Variants in SLCO3A1 observed in about 807,000 individuals in gnomAD.
The protein encoded by SLCO3A1 is solute carrier organic anion transporter family member 3A1, also known as PGE1 transporter.
Under a neutral mutation model 63.1 loss-of-function variants are expected in SLCO3A1, and 27 were observed. The observed-to-expected ratio is 0.43, with a 90% CI of 0.32 to 0.59. The LOEUF is 0.59. Among genes scored for constraint, SLCO3A1 ranks in the 20% least tolerant of loss-of-function variants. SLCO3A1 has a pLI of 0.09. For missense variants in SLCO3A1, 773 were observed against 945.8 expected (o/e 0.82, Z 2.40); for synonymous variants, 473 against 409.9 (o/e 1.15, Z -1.86).
At position 91,872,804 on chromosome 15, in the gene SLCO3A1, T is replaced by C. The variant is rs536647538; in HGVS notation, c.180+18716T>C. On this transcript the variant is annotated intron_variant, in intron 1 of 9. Coordinates refer to ENST00000318445, the MANE Select transcript of SLCO3A1 (RefSeq NM_013272.4). The surrounding 1 kb of genome is among the most constrained non-coding windows in gnomAD (Gnocchi z 4.1). ...TAATGAACATTGAACATGACTTTAC[T>C]GGGACCAGAGAATAACTTCACCAGG... 5.3e-5 allele frequency among the ~76,000 whole-genome samples: 8 copies of C among 152,350 alleles called. No homozygotes were observed. The highest frequency in any genetic ancestry group is 1.9e-4 in the African/African-American group (8 of 41,586).
intron 3 of SLCO3A1, among the ~76,000 whole-genome samples, chr15:92,099,652 A>C (rs1403411538): frequency 6.6e-6 from 1 of 152,204 alleles, no homozygotes; most frequent in Non-Finnish European, 1.5e-5. Context: ...CTCCTAGTTC[A>C]GTTAACCTTT....
At position 91,862,248 on chromosome 15, in the gene SLCO3A1, G is replaced by C. The variant is rs1406306910; in HGVS notation, c.180+8160G>C. Among the ~76,000 whole-genome samples, 2 of 151,840 alleles carry C rather than the reference G, an allele frequency of 1.3e-5. No homozygotes were observed. The highest frequency in any genetic ancestry group is 2.9e-5 in the Non-Finnish European group (2 of 67,950). On this transcript the variant is annotated intron_variant, in intron 1 of 9. Coordinates refer to ENST00000318445, the MANE Select transcript of SLCO3A1 (RefSeq NM_013272.4). This position sits in a 1 kb window ranked among gnomAD's most constrained non-coding sequence, Gnocchi z 4.0. ...AGCTCACTGCAACCTCTGCCTCCCGGGTTCAAGCAATTCTCCTGCCTCAGC... is the reference window on the plus strand; with the variant it reads ...AGCTCACTGCAACCTCTGCCTCCCGCGTTCAAGCAATTCTCCTGCCTCAGC...
At chr15:92,096,854 G>T (rs996776666) in intron 3 of SLCO3A1, among the ~76,000 whole-genome samples, 3 of 152,204 alleles carry the variant, frequency 2.0e-5, no homozygotes, top group African/African-American at 7.2e-5. Context: ...TGTTCCGAAG[G>T]TGATTGAGTG....
intron 2 of SLCO3A1, among the ~76,000 whole-genome samples, chr15:91,924,557 G>A (rs1358849699): frequency 6.6e-6 from 1 of 152,208 alleles, no homozygotes; most frequent in Non-Finnish European, 1.5e-5. Flanking sequence ...AAGGAAAGCT[G>A]TCGCACATTG....
chr15:92,143,400 A>AATATATGTAATAT (rs2048164706), intron 7 of SLCO3A1, among the ~76,000 whole-genome samples: 49 of 2,156 alleles, frequency 0.023, 11 homozygotes, highest in African/African-American at 0.2. Flanking sequence ...ATATTATATA[A>AATATATGTAATAT]TATATATAAT....
intron 1 of SLCO3A1, among the ~76,000 whole-genome samples, chr15:91,867,850 C>T (rs1415447562): frequency 6.6e-6 from 1 of 152,136 alleles, no homozygotes; most frequent in African/African-American, 2.4e-5. Context: ...GTGGAGGTTT[C>T]CTTTCAGCTT....
At chr15:91,906,188 A>G (rs1898302909) in intron 1 of SLCO3A1, among the ~76,000 whole-genome samples, 2 of 152,168 alleles carry the variant, frequency 1.3e-5, no homozygotes, top group Non-Finnish European at 2.9e-5. Flanking sequence ...GTAATAACAA[A>G]TGTTCAACAT....
At chr15:92,095,029 C>T (rs2047521283) in intron 3 of SLCO3A1, 50 bp downstream of exon 3, 1 of 1,273,964 alleles carries the variant, frequency 7.8e-7, no homozygotes, top group African/African-American at 1.5e-5. Context: ...CGTTTCCTCC[C>T]TCATAAATGC....
intron 9 of SLCO3A1, among the ~76,000 whole-genome samples, chr15:92,158,466 CA>C (rs750918100): frequency 3.3e-5 from 5 of 152,076 alleles, no homozygotes; most frequent in African/African-American, 4.8e-5. Flanking sequence ...TAAGGTGGGG[CA>C]GGGGGAGTGG....
chr15:92,065,869 C>A (rs1329229279), intron 2 of SLCO3A1, among the ~76,000 whole-genome samples: 1 of 152,178 alleles, frequency 6.6e-6, no homozygotes, highest in Non-Finnish European at 1.5e-5. Flanking sequence ...TGTGCTGGTC[C>A]TGTTGAGCCC....
intron 9 of SLCO3A1, 93 bp downstream of exon 9, chr15:92,151,107 G>C: frequency 8.7e-6 from 8 of 915,822 alleles, no homozygotes; most frequent in Middle Eastern, 2.2e-4. Context: ...TCCTAGGTCT[G>C]TCTCTTTTTT....
intron 2 of SLCO3A1, among the ~76,000 whole-genome samples, chr15:92,079,860 T>C (rs2047321606): frequency 6.6e-6 from 1 of 152,236 alleles, no homozygotes; most frequent in Non-Finnish European, 1.5e-5. Flanking sequence ...TGCTGGGGGC[T>C]TGGGTGTGGA....
At chr15:91,888,850 AC>A (rs1300523737) in intron 1 of SLCO3A1, among the ~76,000 whole-genome samples, 1 of 152,122 alleles carries the variant, frequency 6.6e-6, no homozygotes, top group East Asian at 1.9e-4. Flanking sequence ...AACAAAAAAA[AC>A]AACACCAATT....
Position 91,988,530 on chromosome 15 carries a change from G to A in SLCO3A1, c.646+72072G>A, listed in dbSNP as rs184413158. Reference sequence around the variant, plus strand: ...CATGGGATGGTTCAGCATGAGACACGATAAAAAGGAAACGTGCAGATCAAT... The same window carrying A: ...CATGGGATGGTTCAGCATGAGACACAATAAAAAGGAAACGTGCAGATCAAT... On this transcript the variant is annotated intron_variant, in intron 2 of 9. Transcript: ENST00000318445. Among the ~76,000 whole-genome samples the A allele has an allele frequency of 7.8e-3, 1,109 of 141,678 alleles. 17 individuals carry two copies. Among genetic ancestry groups the A allele is most frequent in the South Asian group, 0.02 (88 of 4,308 alleles). The allele number at this position is 141,678 out of a possible 152,430, so 92.9% of individuals were successfully genotyped here.
In SLCO3A1 at chr15:92,099,970, G is replaced by T. The variant is rs764498492; in HGVS notation, c.746-4309G>T. 3.3e-5 allele frequency among the ~76,000 whole-genome samples: 5 copies of T among 151,958 alleles called. No individual in the cohort carries two copies. The South Asian group carries it at 1.0e-3, about 32-fold the overall frequency. On this transcript the variant is annotated intron_variant, in intron 3 of 9. Transcript: ENST00000318445. ...AATCTCAGCTACTTGGGAGGCTGAC[G>T]CAGGAGAATTGCTTGAACCCAGGAG...
chr15:92,072,897 C>G (rs541218723), intron 2 of SLCO3A1, among the ~76,000 whole-genome samples: 1 of 152,298 alleles, frequency 6.6e-6, no homozygotes, highest in East Asian at 1.9e-4. Flanking sequence ...TTCACAGGTT[C>G]CAGGACATAG....
At chr15:92,168,918 A>G (rs912149481), downstream of SLCO3A1, among the ~76,000 whole-genome samples, 5 of 152,234 alleles carry the variant, frequency 3.3e-5, no homozygotes, top group Admixed American at 1.3e-4. Flanking sequence ...AAATGGGCAC[A>G]TGAGGGAGAA....
At chr15:92,121,616 T>A (rs1286835399) in intron 5 of SLCO3A1, among the ~76,000 whole-genome samples, 3 of 152,138 alleles carry the variant, frequency 2.0e-5, no homozygotes, top group African/African-American at 7.2e-5. Context: ...TAGTGGAGGT[T>A]CAGTTGCCTC....
chr15:91,939,776 A>G (rs1899553906), intron 2 of SLCO3A1, among the ~76,000 whole-genome samples: 1 of 152,012 alleles, frequency 6.6e-6, no homozygotes, highest in South Asian at 2.1e-4. Context: ...CAGGACCTCT[A>G]CGCTGCTATA....
Sources: allele counts gnomAD v4.1 joint callset (sites outside exome capture counted in the v4.1 genomes callset), GRCh38; gene constraint gnomAD v4.1.1; non-coding constraint Gnocchi (gnomAD v3.1); transcripts MANE v1.5; gene names NCBI Gene and HGNC (gene_info 2026-07-23, HGNC 2026-07-21).